Variants in ANKRD13C observed in about 807,000 individuals in gnomAD.
ANKRD13C encodes ankyrin repeat domain 13C, also known as ankyrin repeat domain-containing protein 13C.
A neutral mutation model predicts 65.5 loss-of-function variants in ANKRD13C; 16 were observed. That is an observed-to-expected ratio of 0.24 (90% CI 0.17 to 0.37). ANKRD13C has a LOEUF of 0.37. ANKRD13C is among the 10% of genes least tolerant of loss of function. The pLI, the probability that ANKRD13C is intolerant of heterozygous loss-of-function variation, is 1.00. For missense variants in ANKRD13C, 503 were observed against 655.9 expected (o/e 0.77, Z 2.55); for synonymous variants, 235 against 238.7 (o/e 0.98, Z 0.14).
At chr1:70,321,788 T>C (rs2101518318) in intron 3 of ANKRD13C, among the ~76,000 whole-genome samples, 1 of 152,336 alleles carries the variant, frequency 6.6e-6, no homozygotes, top group East Asian at 1.9e-4. Context: ...TATTAATTAG[T>C]GAAATGATTC....
chr1:70,329,100 G>T (rs971206669), intron 2 of ANKRD13C, among the ~76,000 whole-genome samples: 2 of 152,074 alleles, frequency 1.3e-5, no homozygotes, highest in East Asian at 3.9e-4. Context: ...AGTACGATAT[G>T]AAGGGATATC....
intron 1 of ANKRD13C, among the ~76,000 whole-genome samples, chr1:70,341,549 A>G (rs1558313386): frequency 2.0e-5 from 3 of 151,770 alleles, no homozygotes; most frequent in Admixed American, 6.6e-5. Flanking sequence ...TAGTAGAGAC[A>G]GGGTTTCACC....
chr1:70,305,224 T>C (rs747841166), intron 6 of ANKRD13C, among the ~76,000 whole-genome samples: 3 of 152,234 alleles, frequency 2.0e-5, no homozygotes, highest in Non-Finnish European at 4.4e-5. Flanking sequence ...GCTTCACTAA[T>C]TCAAAATACT....
At chr1:70,346,006 C>CTTTA in intron 1 of ANKRD13C, among the ~76,000 whole-genome samples, 2 of 151,302 alleles carry the variant, frequency 1.3e-5, no homozygotes, top group East Asian at 3.9e-4. Flanking sequence ...TCTTTTCTTT[C>CTTTA]TTTTTAATAG....
At chr1:70,301,178 CATAT>C (rs3839011) in intron 6 of ANKRD13C, among the ~76,000 whole-genome samples, 5 of 148,632 alleles carry the variant, frequency 3.4e-5, no homozygotes, top group South Asian at 2.1e-4. Flanking sequence ...TATACACACA[CATAT>C]ATATATATAT....
At chr1:70,306,998 T>C (rs1478355313) in intron 5 of ANKRD13C, among the ~76,000 whole-genome samples, 1 of 152,078 alleles carries the variant, frequency 6.6e-6, no homozygotes, top group Non-Finnish European at 1.5e-5. Flanking sequence ...TACAAAGAAA[T>C]GAAAGAAATG....
At chr1:70,325,701 A>AC (rs1366596348) in intron 2 of ANKRD13C, among the ~76,000 whole-genome samples, 1 of 151,652 alleles carries the variant, frequency 6.6e-6, no homozygotes, top group Non-Finnish European at 1.5e-5. Context: ...ACATGGTGAA[A>AC]CCCCGTCTCT....
At chr1:70,324,815 T>C in intron 3 of ANKRD13C, 38 bp downstream of exon 3, 1 of 1,400,064 alleles carries the variant, frequency 7.1e-7, no homozygotes, top group East Asian at 2.4e-5. Context: ...TTCATATTTT[T>C]AGAAGATATA....
At chr1:70,265,331 C>CA (rs1678569128) in intron 12 of ANKRD13C, among the ~76,000 whole-genome samples, 3 of 152,098 alleles carry the variant, frequency 2.0e-5, no homozygotes, top group Admixed American at 2.0e-4. Context: ...TGACTTGTCT[C>CA]AGTTATTCAT....
intron 9 of ANKRD13C, among the ~76,000 whole-genome samples, chr1:70,282,033 T>A (rs1165087520): frequency 2.0e-5 from 3 of 150,804 alleles, no homozygotes; most frequent in Non-Finnish European, 4.4e-5. Flanking sequence ...CTGGCTGGAA[T>A]ATGAAACTGG....
intron 8 of ANKRD13C, among the ~76,000 whole-genome samples, chr1:70,292,847 C>G (rs1252033756): frequency 6.6e-6 from 1 of 152,170 alleles, no homozygotes; most frequent in Non-Finnish European, 1.5e-5. Flanking sequence ...CATAGCATTT[C>G]TTCAGATCCT....
intron 10 of ANKRD13C, among the ~76,000 whole-genome samples, chr1:70,275,035 T>A (rs1679067500): frequency 6.6e-6 from 1 of 152,220 alleles, no homozygotes; most frequent in Admixed American, 6.5e-5. Context: ...TCAGAAATTA[T>A]TAGATCTAAA....
At chr1:70,309,371 C>T (rs1045994430) in intron 5 of ANKRD13C, among the ~76,000 whole-genome samples, 1 of 151,100 alleles carries the variant, frequency 6.6e-6, no homozygotes, top group African/African-American at 2.4e-5. Flanking sequence ...CTGCACCCAG[C>T]CTACTCCCCA....
chr1:70,289,916 C>T (rs907964253), intron 9 of ANKRD13C, among the ~76,000 whole-genome samples: 1 of 152,164 alleles, frequency 6.6e-6, no homozygotes, highest in Non-Finnish European at 1.5e-5. Context: ...TGGGAGAAGA[C>T]AGCAGCCCTG....
intron 3 of ANKRD13C, among the ~76,000 whole-genome samples, chr1:70,324,006 G>A (rs982078601): frequency 6.6e-6 from 1 of 152,034 alleles, no homozygotes; most frequent in Admixed American, 6.6e-5. Flanking sequence ...GATTACAGGC[G>A]TGAGCCACCG....
intron 9 of ANKRD13C, among the ~76,000 whole-genome samples, chr1:70,287,864 T>C (rs1679690659): frequency 6.6e-6 from 1 of 151,762 alleles, no homozygotes; most frequent in Non-Finnish European, 1.5e-5. Flanking sequence ...AAAATAAAAA[T>C]AAAAAGTTAA....
At chr1:70,266,561 C>T (rs1180009505) in intron 12 of ANKRD13C, among the ~76,000 whole-genome samples, 1 of 152,116 alleles carries the variant, frequency 6.6e-6, no homozygotes, top group African/African-American at 2.4e-5. Context: ...TTGCCTATGT[C>T]TATAAAAATA....
At chr1:70,305,548 T>C (rs1680551285) in intron 6 of ANKRD13C, 1 of 152,052 alleles carries the variant, frequency 6.6e-6, no homozygotes, top group Non-Finnish European at 1.5e-5. Context: ...TATGCACATA[T>C]ATACATAAAA....
At chr1:70,298,482 C>T (rs72678630) in intron 7 of ANKRD13C, among the ~76,000 whole-genome samples, 16,900 of 150,612 alleles carry the variant, frequency 0.11, 1,173 homozygotes, top group East Asian at 0.34. Context: ...ATACATAATA[C>T]ATATATGTAT....
Sources: allele counts gnomAD v4.1 joint callset (sites outside exome capture counted in the v4.1 genomes callset), GRCh38; gene constraint gnomAD v4.1.1; transcripts MANE v1.5; gene names NCBI Gene and HGNC (gene_info 2026-07-23, HGNC 2026-07-21).